The following NKAIN2 variants were observed in gnomAD, a reference collection of about 807,000 sequenced individuals.
NKAIN2 encodes sodium/potassium-transporting ATPase subunit beta-1-interacting protein 2.
NKAIN2 carries 14 observed loss-of-function variants against 32.6 expected under a neutral mutation model. That is an observed-to-expected ratio of 0.43 (90% confidence interval 0.28 to 0.67). The LOEUF (loss-of-function observed/expected upper bound fraction) is 0.67. Among genes scored for constraint, NKAIN2 ranks in the 30% least tolerant of loss-of-function variants. NKAIN2 has a pLI of 0.17. For missense variants in NKAIN2, 198 were observed against 258.3 expected (o/e 0.77, Z 1.60); for synonymous variants, 80 against 87.2 (o/e 0.92, Z 0.46).
At chr6:124,218,341 T>C (rs1467335250) in intron 1 of NKAIN2, among the ~76,000 whole-genome samples, 1 of 152,184 alleles carries the variant, frequency 6.6e-6, no homozygotes, top group Admixed American at 6.5e-5. Context: ...TTGTGTATTT[T>C]CAATTTCATT....
intron 3 of NKAIN2, among the ~76,000 whole-genome samples, chr6:124,474,751 T>C (rs1239956328): frequency 6.7e-6 from 1 of 150,308 alleles, no homozygotes; most frequent in African/African-American, 2.4e-5. Flanking sequence ...CTATGATATA[T>C]ACTTCTGTAC....
intron 1 of NKAIN2, among the ~76,000 whole-genome samples, chr6:124,175,922 G>T (rs1789134168): frequency 6.6e-6 from 1 of 151,814 alleles, no homozygotes; most frequent in Admixed American, 6.6e-5. Context: ...TTATGTTATT[G>T]TAATCTGCTT....
intron 1 of NKAIN2, among the ~76,000 whole-genome samples, chr6:124,198,156 T>A (rs939777746): frequency 2.6e-5 from 4 of 152,058 alleles, no homozygotes; most frequent in Admixed American, 2.6e-4. Flanking sequence ...GTTTTTGCCA[T>A]GTACCACGTG....
intron 4 of NKAIN2, among the ~76,000 whole-genome samples, chr6:124,733,063 A>T (rs1332980520): frequency 6.6e-6 from 1 of 151,962 alleles, no homozygotes; most frequent in Non-Finnish European, 1.5e-5. Context: ...TCAGTCAGAA[A>T]TGTTCCTAGA....
chr6:124,169,619 T>C (rs1289062360), intron 1 of NKAIN2, among the ~76,000 whole-genome samples: 1 of 152,210 alleles, frequency 6.6e-6, no homozygotes, highest in Non-Finnish European at 1.5e-5. Context: ...GCTTAAATTC[T>C]ACTGAGACCC....
chr6:124,813,203 G>A (rs184915915), intron 5 of NKAIN2, among the ~76,000 whole-genome samples: 9 of 152,160 alleles, frequency 5.9e-5, no homozygotes, highest in South Asian at 2.1e-4. Context: ...AAAAAGCCCC[G>A]AAATACCACA....
intron 1 of NKAIN2, among the ~76,000 whole-genome samples, chr6:123,924,552 C>A (rs539425002): frequency 6.6e-6 from 1 of 152,152 alleles, no homozygotes; most frequent in African/African-American, 2.4e-5. Context: ...TATTCTTCTG[C>A]AGAATTTATG....
chr6:124,745,857 T>C (rs1243467287), intron 4 of NKAIN2, among the ~76,000 whole-genome samples: 2 of 151,910 alleles, frequency 1.3e-5, no homozygotes, highest in Admixed American at 6.6e-5. Flanking sequence ...AAATATGTTA[T>C]TAAGTTGTTC....
At chr6:124,145,228 A>G (rs926619981) in intron 1 of NKAIN2, among the ~76,000 whole-genome samples, 2 of 152,170 alleles carry the variant, frequency 1.3e-5, no homozygotes, top group Admixed American at 1.3e-4. Flanking sequence ...TTCCTTATAA[A>G]ACTAAACATA....
Position 124,149,028 on chromosome 6 carries a change from A to G in NKAIN2, c.55-133977A>G, listed in dbSNP as rs778955577. ...AGTAGGTGTGAAATGGTATCTCATC[A>G]TTTTGTTTTGCATTTCCCTGACAAT... On this transcript the variant is annotated intron_variant, in intron 1 of 6. Coordinates refer to ENST00000368417, the MANE Select transcript of NKAIN2 (RefSeq NM_001040214.3). Among the ~76,000 whole-genome samples, 5 of 151,872 alleles carry G rather than the reference A, an allele frequency of 3.3e-5. No homozygotes were observed. The East Asian group carries it at 7.7e-4, about 23-fold the overall frequency.
At chr6:124,756,084 T>A (rs1777952555) in intron 4 of NKAIN2, among the ~76,000 whole-genome samples, 1 of 152,152 alleles carries the variant, frequency 6.6e-6, no homozygotes, top group South Asian at 2.1e-4. Context: ...TTAGTTTCCA[T>A]GAACTCATTT....
chr6:124,056,211 A>T (rs2114844654), intron 1 of NKAIN2, among the ~76,000 whole-genome samples: 1 of 150,960 alleles, frequency 6.6e-6, no homozygotes, highest in South Asian at 2.1e-4. Context: ...ACTGTCATTT[A>T]TTTTGTAGTG....
chr6:124,168,135 T>G (rs1027201327), intron 1 of NKAIN2, among the ~76,000 whole-genome samples: 2 of 152,132 alleles, frequency 1.3e-5, no homozygotes, highest in Non-Finnish European at 2.9e-5. Flanking sequence ...TCTTTGCAAA[T>G]TGGACATTTA....
intron 2 of NKAIN2, among the ~76,000 whole-genome samples, chr6:124,351,421 C>T (rs1798721131): frequency 6.6e-6 from 1 of 151,294 alleles, no homozygotes. Context: ...GGAAGGATTA[C>T]CTGAACCAGT....
chr6:124,364,250 A>AAAAAAAAAAAAAAAAAAAAAAAGAG (rs3054409), intron 3 of NKAIN2, among the ~76,000 whole-genome samples: 1 of 139,738 alleles, frequency 7.2e-6, no homozygotes, highest in African/African-American at 2.7e-5. Context: ...AAAAAAAAAA[A>AAAAAAAAAAAAAAAAAAAAAAAGAG]AGAGAGAAAA....
chr6:124,172,451 A>G (rs1267105849), intron 1 of NKAIN2, among the ~76,000 whole-genome samples: 1 of 152,134 alleles, frequency 6.6e-6, no homozygotes, highest in African/African-American at 2.4e-5. Flanking sequence ...TATGGAGTGT[A>G]TGTACCATCT....
intron 1 of NKAIN2, among the ~76,000 whole-genome samples, chr6:123,840,155 T>C (rs939900843): frequency 1.7e-4 from 26 of 152,104 alleles, no homozygotes; most frequent in African/African-American, 6.3e-4. Flanking sequence ...AAATGCTTTA[T>C]GTTTATGTGC....
intron 1 of NKAIN2, among the ~76,000 whole-genome samples, chr6:123,878,942 G>T (rs956140840): frequency 2.0e-5 from 3 of 152,146 alleles, no homozygotes; most frequent in South Asian, 4.1e-4. Flanking sequence ...CTTACTCTCA[G>T]AGATAGTACT....
intron 2 of NKAIN2, among the ~76,000 whole-genome samples, chr6:124,285,220 T>A: frequency 6.6e-6 from 1 of 152,186 alleles, no homozygotes; most frequent in East Asian, 1.9e-4. Context: ...GGAGATGATG[T>A]AAATGATAAA....
Sources: allele counts gnomAD v4.1 joint callset (sites outside exome capture counted in the v4.1 genomes callset), GRCh38; gene constraint gnomAD v4.1.1; transcripts MANE v1.5; gene names NCBI Gene and HGNC (gene_info 2026-07-23, HGNC 2026-07-21).